Variants in PRDM1 observed in about 807,000 individuals in gnomAD.
PRDM1 encodes the protein PR/SET domain 1, also known as PR domain zinc finger protein 1.
In PRDM1, 13 loss-of-function variants were observed where a neutral mutation model predicts 62.8. That is an observed-to-expected ratio of 0.21 (90% confidence interval 0.13 to 0.33). The LOEUF is 0.33. Among genes scored for constraint, PRDM1 ranks in the 10% least tolerant of loss-of-function variants. The pLI is 1.00. For missense variants in PRDM1, 895 were observed against 1,058.8 expected, an observed-to-expected ratio of 0.85 and a Z score of 2.15; for synonymous variants, 396 against 417.6, an observed-to-expected ratio of 0.95 and a Z score of 0.63.
intron 1 of PRDM1, among the ~76,000 whole-genome samples, chr6:106,079,897 C>T (rs1297791088): frequency 2.0e-5 from 3 of 152,210 alleles, no homozygotes; most frequent in Non-Finnish European, 4.4e-5. Context: ...ATTAACCACT[C>T]TTTAGGCTAT....
rs1419126533 is a variant in PRDM1 at position 106,107,266 on chromosome 6, C to G, written c.2258C>G (p.Ser753Cys). ...EDVEDDISVI[S>C]VVEKEILAVV... ...GTGGAGGATGACATCAGTGTGATCT[C>G]TGTAGTGGAGAAGGAAATTCTGGCC... The change falls in exon 7 of 7, where the codon TCT becomes TGT. Residue 753 changes from serine to cysteine, a missense_variant. Physicochemically the swap from Ser to Cys is moderately radical, Grantham distance 112. This residue lies in a region of PRDM1 where 164 missense variants were observed against 179.9 expected (regional missense o/e 0.91). Coordinates refer to ENST00000369096, the MANE Select transcript of PRDM1 (RefSeq NM_001198.4). 6.2e-7 allele frequency: 1 copy of G among 1,614,120 alleles called. No homozygotes were observed. The highest frequency in any genetic ancestry group is 8.5e-7 in the Non-Finnish European group (1 of 1,180,030).
chr6:106,099,241 G>C (rs1347086053), intron 3 of PRDM1, 59 bp from the exon 4 acceptor site: 2 of 1,609,784 alleles, frequency 1.2e-6, no homozygotes, highest in Non-Finnish European at 1.7e-6. Context: ...TATTCTGAGA[G>C]GTGCTGGGGA....
In PRDM1 at chr6:106,088,401, A is replaced by C. The variant is rs773768273; in HGVS notation, c.243A>C (p.Ala81=). The part of the protein sequence containing the change: ...ADGGTSVQAE[A]SLPRNLLFKY... ...GCGGTACTTCGGTTCAGGCGGAGGC[A>C]TCCTTACCAAGGAATCTGCTTTTCA... Residue 81 remains alanine, a synonymous_variant, in exon 2 of 7, where the codon GCA becomes GCC. Transcript: ENST00000369096. 2.5e-6 allele frequency: 4 copies of C among 1,614,066 alleles called. No individual in the cohort carries two copies. The highest frequency in any genetic ancestry group is 3.4e-6 in the Non-Finnish European group (4 of 1,180,042).
At chr6:106,046,542 GGCAGTCCCCTGTT>G (rs1182811647), upstream of PRDM1, 2 of 152,254 alleles carry the variant, frequency 1.3e-5, no homozygotes. Context: ...TTCCTCCCCT[GGCAGTCCCCTGTT>G]GCAGTCATTG....
upstream of PRDM1, among the ~76,000 whole-genome samples, chr6:106,044,427 G>T (rs1182436717): frequency 6.6e-6 from 1 of 152,110 alleles, no homozygotes; most frequent in Non-Finnish European, 1.5e-5. Context: ...GCCAAGGGAA[G>T]CCAGAAGTAA....
intron 1 of PRDM1, among the ~76,000 whole-genome samples, chr6:106,019,090 AC>A (rs1424278670): frequency 3.3e-5 from 5 of 151,550 alleles, no homozygotes; most frequent in Non-Finnish European, 7.4e-5. Flanking sequence ...ACATGGTGAA[AC>A]CCCGTCTCTA....
At chr6:106,025,917 C>T (rs985688894) in intron 1 of PRDM1, among the ~76,000 whole-genome samples, 1 of 152,098 alleles carries the variant, frequency 6.6e-6, no homozygotes, top group South Asian at 2.1e-4. Flanking sequence ...TTGAAACAGA[C>T]CTCATGCATT....
chr6:106,071,927 G>A (rs988085786), intron 1 of PRDM1, among the ~76,000 whole-genome samples: 3 of 152,154 alleles, frequency 2.0e-5, no homozygotes, highest in Non-Finnish European at 4.4e-5. Flanking sequence ...AAAAATACTG[G>A]TGCCTGGCTC....
intron 1 of PRDM1, among the ~76,000 whole-genome samples, chr6:106,009,097 C>T (rs751750378): frequency 5.9e-5 from 9 of 152,200 alleles, no homozygotes; most frequent in African/African-American, 1.7e-4. Flanking sequence ...TCTGTCTTAG[C>T]GCTCTTGCCT....
intron 1 of PRDM1, among the ~76,000 whole-genome samples, chr6:106,020,416 C>T (rs969123790): frequency 1.5e-4 from 23 of 151,988 alleles, no homozygotes; most frequent in South Asian, 2.1e-4. Context: ...CCTCCCGCCT[C>T]GGCCTCCCAA....
chr6:106,092,712 A>G (rs1302555750), intron 2 of PRDM1, among the ~76,000 whole-genome samples: 1 of 152,186 alleles, frequency 6.6e-6, no homozygotes, highest in Non-Finnish European at 1.5e-5. Flanking sequence ...TTTAAAAACA[A>G]TCCTGGTTCC....
At chr6:106,035,306 G>C (rs777465593) in intron 1 of PRDM1, among the ~76,000 whole-genome samples, 2 of 151,906 alleles carry the variant, frequency 1.3e-5, no homozygotes, top group African/African-American at 2.4e-5. Flanking sequence ...ATCCTTCTTC[G>C]TCTCTTCTAA....
chr6:106,106,069 C>T lies in PRDM1; in HGVS notation c.1773+136C>T. ...TTGGGGATAGTGGGTATGGATTCCG[C>T]CTGGCTTTTGCCACTTCTAGCTCTT... On this transcript the variant is annotated intron_variant, in intron 5 of 6. Transcript: ENST00000369096. This position sits in a 1 kb window ranked among gnomAD's most constrained non-coding sequence, Gnocchi z 4.4. 1 of 1,355,256 alleles carries T rather than the reference C, an allele frequency of 7.4e-7. No homozygotes were observed. Among genetic ancestry groups the T allele is most frequent in the Non-Finnish European group, 9.8e-7 (1 of 1,016,422 alleles). The allele number at this position is 1,355,256 out of a possible 1,614,324, so 84.0% of individuals were successfully genotyped here.
intron 1 of PRDM1, among the ~76,000 whole-genome samples, chr6:106,022,144 G>A (rs78572096): frequency 0.013 from 2,008 of 152,328 alleles, 16 homozygotes; most frequent in Non-Finnish European, 0.019. Flanking sequence ...CATTGAAAGA[G>A]CAAGCTGTTC....
chr6:105,997,759 C>T (rs763361105), intron 1 of PRDM1, among the ~76,000 whole-genome samples: 3 of 152,148 alleles, frequency 2.0e-5, no homozygotes, highest in Non-Finnish European at 4.4e-5. Context: ...GGAGGCATTA[C>T]AAAGTAGCAG....
intron 4 of PRDM1, among the ~76,000 whole-genome samples, chr6:106,103,012 T>G (rs1307520322): frequency 6.6e-6 from 1 of 152,200 alleles, no homozygotes; most frequent in Non-Finnish European, 1.5e-5. Context: ...AAAGTGACAA[T>G]TAGAACTTCC....
At position 106,105,410 on chromosome 6, in the gene PRDM1, C is replaced by A. The variant is rs200035233; in HGVS notation, c.1250C>A (p.Pro417His). ...CACTACCCCAAGTTCCTCTTGCCCC[C>A]CTACGGCATGAATTGTAATGGCCTG... ...NAHYPKFLLP[P>H]YGMNCNGLSA... is the part of the protein sequence containing the mutation. The change falls in exon 5 of 7, where the codon CCC becomes CAC. Residue 417 changes from proline to histidine, a missense_variant. By Grantham distance (77) the Pro-to-His change is moderately conservative. Around this residue, in one of 4 missense-constraint regions of PRDM1, gnomAD observed 444 missense variants for 422.7 expected, o/e 1.05. Transcript: ENST00000369096. 7 of 1,614,110 alleles carry A rather than the reference C, an allele frequency of 4.3e-6. No homozygotes were observed. The highest frequency in any genetic ancestry group is 5.9e-6 in the Non-Finnish European group (7 of 1,180,056).
intron 1 of PRDM1, among the ~76,000 whole-genome samples, chr6:106,018,291 C>A (rs1772649728): frequency 6.6e-6 from 1 of 152,034 alleles, no homozygotes; most frequent in Non-Finnish European, 1.5e-5. Context: ...GTTAAGTAGA[C>A]CATAATTTTT....
intron 1 of PRDM1, among the ~76,000 whole-genome samples, chr6:106,028,556 C>T (rs528029560): frequency 6.6e-6 from 1 of 152,274 alleles, no homozygotes; most frequent in Admixed American, 6.5e-5. Flanking sequence ...AATGTGTTCA[C>T]ACCATATTAT....
Sources: gnomAD v4.1 joint callset for allele counts (sites outside exome capture counted in the v4.1 genomes callset) on GRCh38, gnomAD v4.1.1 for gene constraint, gnomAD v4.1.1 regional missense constraint, Gnocchi (gnomAD v3.1) non-coding constraint, MANE v1.5 for transcripts, NCBI Gene and HGNC (gene_info 2026-07-23, HGNC 2026-07-21) for gene names.